SH3PXD2B: variants seen among roughly 807,000 people sequenced by gnomAD.
SH3PXD2B encodes the protein SH3 and PX domain-containing protein 2B.
In SH3PXD2B, 37 loss-of-function variants were observed where a neutral mutation model predicts 73.1. The ratio of observed to expected loss-of-function variants is 0.51; its 90% CI spans 0.39 to 0.67. The LOEUF is 0.67. Ranked by LOEUF, SH3PXD2B falls within the 30% of genes least tolerant of loss-of-function variation. SH3PXD2B has a pLI of 0.00. For synonymous variants in SH3PXD2B, 457 were observed against 480.5 expected (o/e 0.95, Z 0.64); for missense variants, 1,053 against 1,197.8 (o/e 0.88, Z 1.78).
intron 12 of SH3PXD2B, among the ~76,000 whole-genome samples, chr5:172,326,634 G>C (rs1489204748): frequency 6.6e-6 from 1 of 152,144 alleles, no homozygotes; most frequent in Non-Finnish European, 1.5e-5. Flanking sequence ...ATACTAGGCA[G>C]GGGTTGTCAA....
intron 1 of SH3PXD2B, among the ~76,000 whole-genome samples, chr5:172,428,636 G>A (rs1759160466): frequency 2.6e-5 from 4 of 152,118 alleles, no homozygotes; most frequent in Admixed American, 2.6e-4. Flanking sequence ...ACTTAACCAG[G>A]TTACCAAACC....
Position 172,339,188 on chromosome 5 carries a change from T to C in SH3PXD2B, c.1917A>G (p.Arg639=), listed in dbSNP as rs745760489. 6 of 1,614,186 alleles carry C rather than the reference T, an allele frequency of 3.7e-6. No homozygotes were observed. The South Asian group carries it at 5.5e-5, about 15-fold the overall frequency. ...ATPQNPFLKS[R]PQVRPKPAPS... is the part of the protein sequence containing the mutation. Reference sequence around the variant, plus strand: ...GAGCTGGTTTTGGCCTAACCTGAGGTCTGGACTTCAAGAAGGGATTCTGGG... The same window carrying C: ...GAGCTGGTTTTGGCCTAACCTGAGGCCTGGACTTCAAGAAGGGATTCTGGG... Residue 639 remains arginine (R), a synonymous_variant, in exon 13 of 13, where the codon AGA becomes AGG. Coordinates refer to ENST00000311601, the MANE Select transcript of SH3PXD2B (RefSeq NM_001017995.3). The surrounding 1 kb of genome is among the most constrained non-coding windows in gnomAD (Gnocchi z 6.1).
intron 12 of SH3PXD2B, among the ~76,000 whole-genome samples, chr5:172,340,993 T>C (rs1756837709): frequency 6.6e-6 from 1 of 152,290 alleles, no homozygotes; most frequent in African/African-American, 2.4e-5. Flanking sequence ...TAGAGTAGAT[T>C]TTCATCGTGT....
chr5:172,417,945 T>C (rs1025733149), intron 2 of SH3PXD2B, among the ~76,000 whole-genome samples: 3 of 152,198 alleles, frequency 2.0e-5, no homozygotes. Context: ...ATTAGCAGTA[T>C]CTTCCCGTTT....
At chr5:172,409,206 C>T (rs1758632082) in intron 2 of SH3PXD2B, among the ~76,000 whole-genome samples, 1 of 151,982 alleles carries the variant, frequency 6.6e-6, no homozygotes, top group South Asian at 2.1e-4. Context: ...ACAGTGAAAC[C>T]CCCTCTCCAC....
At chr5:172,406,974 C>A (rs1308934463) in intron 2 of SH3PXD2B, among the ~76,000 whole-genome samples, 1 of 151,978 alleles carries the variant, frequency 6.6e-6, no homozygotes, top group African/African-American at 2.4e-5. Context: ...AGGGCAGAGT[C>A]CCCAAAACAA....
intron 5 of SH3PXD2B, among the ~76,000 whole-genome samples, chr5:172,381,434 G>A (rs1473073627): frequency 3.3e-5 from 5 of 152,212 alleles, no homozygotes; most frequent in Admixed American, 6.5e-5. Context: ...GCGTAAGTGC[G>A]GGTAAGCAGG....
At chr5:172,409,338 C>A (rs189283536) in intron 2 of SH3PXD2B, among the ~76,000 whole-genome samples, 2,288 of 152,182 alleles carry the variant, frequency 0.015, 54 homozygotes, top group African/African-American at 0.052. Context: ...GCCGAGACCG[C>A]GCCATTGCAC....
At chr5:172,375,032 T>C (rs1325411068) in intron 5 of SH3PXD2B, among the ~76,000 whole-genome samples, 1 of 152,170 alleles carries the variant, frequency 6.6e-6, no homozygotes, top group Admixed American at 6.5e-5. Flanking sequence ...AACTAACTTT[T>C]AAAAAACTGA....
intron 10 of SH3PXD2B, among the ~76,000 whole-genome samples, chr5:172,348,658 T>TC (rs11446677): frequency 0.035 from 1,428 of 40,808 alleles, 17 homozygotes; most frequent in African/African-American, 0.083. Context: ...ATCTATCCTA[T>TC]CTATCTATCT....
chr5:172,425,237 T>C (rs1298483275), intron 1 of SH3PXD2B, among the ~76,000 whole-genome samples: 2 of 152,082 alleles, frequency 1.3e-5, no homozygotes, highest in Non-Finnish European at 2.9e-5. Context: ...CTTCAACATC[T>C]ATTAAGCACC....
intron 12 of SH3PXD2B, among the ~76,000 whole-genome samples, chr5:172,344,730 C>T (rs1490490526): frequency 6.6e-6 from 1 of 151,856 alleles, no homozygotes; most frequent in East Asian, 1.9e-4. Context: ...TAGCCCTTCA[C>T]TCAGATAATA....
rs537268840 is a variant in SH3PXD2B, at chr5:172,346,060, G to T, written c.1188+76C>A. On this transcript the variant is annotated intron_variant, in intron 12 of 12. Transcript: ENST00000311601. ...CTCCACCCACCCAGTGAAGTAGGAG[G>T]TGACAGGGGAGAAGTAGGAGGTGAT... is the stretch of plus-strand genomic sequence containing the variant. The T allele has an allele frequency of 2.7e-5, 44 of 1,608,470 alleles. No individual in the cohort carries two copies. The South Asian group carries it at 4.5e-4, about 17-fold the overall frequency.
intron 3 of SH3PXD2B, among the ~76,000 whole-genome samples, chr5:172,404,319 T>TG (rs1554139765): frequency 6.6e-6 from 1 of 151,732 alleles, no homozygotes; most frequent in Non-Finnish European, 1.5e-5. Context: ...TATATATATT[T>TG]TTTTTTGAGA....
chr5:172,422,685 C>A (rs1228138136), intron 1 of SH3PXD2B, among the ~76,000 whole-genome samples, 189 bp from the exon 2 acceptor site: 1 of 152,180 alleles, frequency 6.6e-6, no homozygotes, highest in Non-Finnish European at 1.5e-5. Context: ...GTGTAATAAC[C>A]CCCAACAGAG....
At chr5:172,403,141 TG>T (rs1278393863) in intron 3 of SH3PXD2B, among the ~76,000 whole-genome samples, 1 of 152,152 alleles carries the variant, frequency 6.6e-6, no homozygotes, top group Non-Finnish European at 1.5e-5. Flanking sequence ...GTGGAAAGGG[TG>T]TTCAGAGGCG....
At chr5:172,350,676 T>C (rs1202642011) in intron 9 of SH3PXD2B, 87 bp from the exon 10 acceptor site, 1 of 1,377,424 alleles carries the variant, frequency 7.3e-7, no homozygotes, top group African/African-American at 1.4e-5. Flanking sequence ...ACATGACAGG[T>C]CCCAGGGAGC....
At chr5:172,394,763 G>C in intron 3 of SH3PXD2B, 124 bp from the exon 4 acceptor site, 2 of 943,042 alleles carry the variant, frequency 2.1e-6, no homozygotes, top group South Asian at 1.4e-5. Flanking sequence ...TCCTGGCTGC[G>C]ATCAAGGTAC....
intron 1 of SH3PXD2B, among the ~76,000 whole-genome samples, chr5:172,453,756 T>A (rs577342321): frequency 2.6e-4 from 40 of 152,250 alleles, no homozygotes; most frequent in African/African-American, 9.6e-4. Flanking sequence ...AAATGATCCA[T>A]TCCCAGAGAT....
Sources: gnomAD v4.1 joint callset for allele counts (sites outside exome capture counted in the v4.1 genomes callset) on GRCh38, gnomAD v4.1.1 for gene constraint, Gnocchi (gnomAD v3.1) non-coding constraint, MANE v1.5 for transcripts, NCBI Gene and HGNC (gene_info 2026-07-23, HGNC 2026-07-21) for gene names.